The following EYS variants were observed in gnomAD, a reference collection of about 807,000 sequenced individuals.
The protein encoded by EYS is EGF-like photoreceptor maintenance factor.
EYS carries 250 observed loss-of-function variants against 282.1 expected under a neutral mutation model. The observed-to-expected ratio is 0.89, with a 90% CI of 0.80 to 0.98. The LOEUF (loss-of-function observed/expected upper bound fraction) is 0.98. Ranked by LOEUF, EYS falls within the 50% of genes least tolerant of loss-of-function variation. The pLI, the probability that EYS is intolerant of heterozygous loss-of-function variation, is 0.00. For missense variants in EYS, 4,016 were observed against 3,709.0 expected, an observed-to-expected ratio of 1.08 and a Z score of -2.15; for synonymous variants, 1,355 against 1,282.9, an observed-to-expected ratio of 1.06 and a Z score of -1.20.
At chr6:64,635,393 C>T (rs1767938645) in intron 22 of EYS, among the ~76,000 whole-genome samples, 1 of 152,138 alleles carries the variant, frequency 6.6e-6, no homozygotes, top group African/African-American at 2.4e-5. Flanking sequence ...GCATCCCTGT[C>T]TTGTGCCGGT....
chr6:63,928,132 C>T (rs1027303314), intron 35 of EYS, among the ~76,000 whole-genome samples: 9 of 152,116 alleles, frequency 5.9e-5, no homozygotes, highest in South Asian at 2.1e-4. Context: ...ATCGTGCTGA[C>T]GTATTTTGAT....
intron 1 of EYS, among the ~76,000 whole-genome samples, chr6:65,660,850 T>C (rs1358654702): frequency 6.6e-6 from 1 of 151,876 alleles, no homozygotes; most frequent in East Asian, 1.9e-4. Context: ...TCAGGACTCA[T>C]AGTGTCCTTC....
chr6:63,746,353 A>G (rs1769210256), intron 41 of EYS, among the ~76,000 whole-genome samples: 1 of 152,126 alleles, frequency 6.6e-6, no homozygotes, highest in African/African-American at 2.4e-5. Flanking sequence ...TTTTTGCATC[A>G]ATGTTCATCA....
rs1774397450 is a variant in EYS at position 64,425,998 on chromosome 6, G to A, written c.5927+10176C>T. The stretch of plus-strand genomic sequence containing the variant: ...ATACAAGAGAAAATATTAGGTAGGT[G>A]TTTAGATAGATGAGTCTAGAATTCA... On this transcript the variant is annotated intron_variant, in intron 28 of 42. Coordinates refer to ENST00000503581, the MANE Select transcript of EYS (RefSeq NM_001142800.2). 2.0e-5 allele frequency among the ~76,000 whole-genome samples: 3 copies of A among 152,160 alleles called. No homozygotes were observed. The South Asian group carries it at 6.3e-4, about 32-fold the overall frequency.
intron 2 of EYS, among the ~76,000 whole-genome samples, chr6:65,602,150 G>A (rs1765636396): frequency 6.6e-6 from 1 of 151,900 alleles, no homozygotes; most frequent in African/African-American, 2.4e-5. Context: ...AAAGTATCTT[G>A]TCAATGTTTT....
intron 33 of EYS, among the ~76,000 whole-genome samples, chr6:64,039,024 C>G (rs1313915508): frequency 6.6e-6 from 1 of 152,110 alleles, no homozygotes; most frequent in African/African-American, 2.4e-5. Context: ...AGGCTGGTCT[C>G]AAACTCCTGA....
intron 12 of EYS, among the ~76,000 whole-genome samples, chr6:65,184,761 CCTT>C (rs1400346767): frequency 1.3e-5 from 2 of 151,392 alleles, no homozygotes; most frequent in African/African-American, 2.4e-5. Flanking sequence ...AGTCTAAAAA[CCTT>C]CTGGAAAGCA....
intron 1 of EYS, among the ~76,000 whole-genome samples, chr6:65,677,620 A>G (rs186844872): frequency 1.2e-3 from 176 of 152,128 alleles, no homozygotes; most frequent in Non-Finnish European, 1.6e-4. Flanking sequence ...TTAAAATGTC[A>G]TTACCACCCA....
chr6:64,483,140 C>G (rs182340073), intron 26 of EYS, among the ~76,000 whole-genome samples: 1 of 151,452 alleles, frequency 6.6e-6, no homozygotes, highest in Non-Finnish European at 1.5e-5. Context: ...TTATGGGGTT[C>G]TAACACAAAT....
chr6:64,919,481 T>A (rs1241346342), intron 15 of EYS, among the ~76,000 whole-genome samples: 1 of 149,702 alleles, frequency 6.7e-6, no homozygotes. Context: ...ACTCAAGAAT[T>A]TCTGTTTTAA....
chr6:64,817,432 A>C (rs945917927), intron 21 of EYS, among the ~76,000 whole-genome samples: 1 of 152,178 alleles, frequency 6.6e-6, no homozygotes, highest in Non-Finnish European at 1.5e-5. Context: ...TATTAAATAA[A>C]AAGCTCATAA....
chr6:65,521,369 G>A (rs1368321995), intron 2 of EYS, among the ~76,000 whole-genome samples: 1 of 152,002 alleles, frequency 6.6e-6, no homozygotes, highest in African/African-American at 2.4e-5. Context: ...GTGAAAAGAA[G>A]GTAATGCTTG....
chr6:64,471,309 G>T (rs1447187142), intron 26 of EYS, among the ~76,000 whole-genome samples: 3 of 152,146 alleles, frequency 2.0e-5, no homozygotes, highest in Non-Finnish European at 4.4e-5. Context: ...AATTGTCTCT[G>T]TTTGCAGGTG....
At chr6:64,643,740 G>A (rs941366257) in intron 22 of EYS, among the ~76,000 whole-genome samples, 9 of 152,196 alleles carry the variant, frequency 5.9e-5, no homozygotes, top group African/African-American at 1.7e-4. Flanking sequence ...AGATATGATA[G>A]TTTTATAAGG....
intron 12 of EYS, among the ~76,000 whole-genome samples, chr6:65,074,607 T>C (rs571688650): frequency 1.3e-5 from 2 of 152,172 alleles, no homozygotes; most frequent in South Asian, 4.1e-4. Context: ...ATTCCCTCTA[T>C]AGCAGTGAGA....
chr6:64,262,554 A>G (rs2150353707), intron 30 of EYS, among the ~76,000 whole-genome samples: 1 of 152,096 alleles, frequency 6.6e-6, no homozygotes, highest in South Asian at 2.1e-4. Flanking sequence ...TATCATCAAT[A>G]TCTAAGTAAA....
chr6:65,077,476 GA>G (rs1265979964), intron 12 of EYS, among the ~76,000 whole-genome samples: 1 of 152,054 alleles, frequency 6.6e-6, no homozygotes, highest in Admixed American at 6.6e-5. Flanking sequence ...GGTATTAAGA[GA>G]AAATTTAATA....
intron 12 of EYS, among the ~76,000 whole-genome samples, chr6:65,291,234 T>A (rs1373679791): frequency 6.6e-6 from 1 of 151,440 alleles, no homozygotes; most frequent in East Asian, 1.9e-4. Flanking sequence ...GAAGTGAAAA[T>A]CAAAATGAGA....
At chr6:65,438,470 C>G (rs539114542) in intron 5 of EYS, among the ~76,000 whole-genome samples, 1 of 152,264 alleles carries the variant, frequency 6.6e-6, no homozygotes, top group African/African-American at 2.4e-5. Context: ...TACAGTCCCA[C>G]CAACAGTGTA....
Sources: allele counts gnomAD v4.1 joint callset (sites outside exome capture counted in the v4.1 genomes callset), GRCh38; gene constraint gnomAD v4.1.1; transcripts MANE v1.5; gene names NCBI Gene and HGNC (gene_info 2026-07-23, HGNC 2026-07-21).